Variants in MFAP5 observed in about 807,000 individuals in gnomAD.
MFAP5 encodes microfibril associated protein 5.
A neutral mutation model predicts 30.1 loss-of-function variants in MFAP5; 19 were observed. The ratio of observed to expected loss-of-function variants is 0.63; its 90% CI spans 0.44 to 0.93. MFAP5 has a LOEUF of 0.93. MFAP5 is among the 40% of genes least tolerant of loss of function. MFAP5 has a pLI of 0.00. For missense variants in MFAP5, 210 were observed against 221.3 expected, an observed-to-expected ratio of 0.95 and a Z score of 0.32; for synonymous variants, 92 against 72.9, an observed-to-expected ratio of 1.26 and a Z score of -1.33.
At chr12:8,649,466 G>C (rs1367264853) in intron 9 of MFAP5, 35 bp downstream of exon 9, 2 of 1,585,558 alleles carry the variant, frequency 1.3e-6, no homozygotes, top group East Asian at 4.5e-5. Flanking sequence ...TCTCATAACT[G>C]CTTCTCTCCA....
intron 6 of MFAP5, among the ~76,000 whole-genome samples, chr12:8,653,017 C>G (rs1248069521): frequency 6.6e-6 from 1 of 151,864 alleles, no homozygotes; most frequent in Non-Finnish European, 1.5e-5. Context: ...TGTTGAAACC[C>G]CGTCTCCACT....
intron 3 of MFAP5, among the ~76,000 whole-genome samples, chr12:8,659,196 T>C (rs754146627): frequency 6.6e-6 from 1 of 151,730 alleles, no homozygotes; most frequent in African/African-American, 2.4e-5. Flanking sequence ...TAATCCAAGC[T>C]ACTTAGGAGG....
chr12:8,656,625 T>TACACACACACACACACACACAC (rs1223209541), intron 3 of MFAP5, among the ~76,000 whole-genome samples: 34 of 121,226 alleles, frequency 2.8e-4, no homozygotes, highest in African/African-American at 1.2e-3. Flanking sequence ...TATACACACA[T>TACACACACACACACACACACAC]ACACACACAC....
At position 8,656,668 on chromosome 12, in the gene MFAP5, AT is replaced by A. The variant is rs1555139703; in HGVS notation, c.95-839del. ...CACACACATATATATATATATATAT[AT>A]TTTTTTTTTTTGAGACAGAGTCTGG... On this transcript the variant is annotated intron_variant, in intron 3 of 9. Transcript: ENST00000359478. 6.1e-3 allele frequency among the ~76,000 whole-genome samples: 726 copies of A among 118,766 alleles called. 9 individuals are homozygous for A. Among genetic ancestry groups the A allele is most frequent in the Non-Finnish European group, 8.8e-3 (522 of 59,312 alleles). 77.9% of individuals were successfully genotyped at this position (118,766 alleles called of 152,430 possible).
intron 2 of MFAP5, among the ~76,000 whole-genome samples, chr12:8,661,114 T>C (rs773011135): frequency 3.3e-5 from 5 of 152,286 alleles, no homozygotes; most frequent in African/African-American, 1.2e-4. Context: ...CCTTCACTGC[T>C]GTGCATTTGT....
At chr12:8,656,052 C>T (rs940132160) in intron 3 of MFAP5, among the ~76,000 whole-genome samples, 72 of 144,576 alleles carry the variant, frequency 5.0e-4, no homozygotes, top group African/African-American at 1.8e-3. Context: ...TTTTGACATT[C>T]ATAATTCTTT....
chr12:8,648,354 G>T, intron 9 of MFAP5, 151 bp from the exon 10 acceptor site: 2 of 896,392 alleles, frequency 2.2e-6, no homozygotes, highest in Non-Finnish European at 1.7e-6. Flanking sequence ...ACTTACTTTA[G>T]TTATTTGCCA....
chr12:8,654,515 G>A (rs1452550903), intron 5 of MFAP5, 34 bp from the exon 6 acceptor site: 3 of 1,578,462 alleles, frequency 1.9e-6, no homozygotes, highest in Non-Finnish European at 2.6e-6. Flanking sequence ...TATGAGGAGG[G>A]CTTCAAATTG....
chr12:8,658,992 CTTTT>C (rs71045203), intron 3 of MFAP5, among the ~76,000 whole-genome samples: 1 of 123,746 alleles, frequency 8.1e-6, no homozygotes, highest in Non-Finnish European at 1.7e-5. Flanking sequence ...CCACACCTGG[CTTTT>C]TTTTTTTTTT....
In MFAP5 at chr12:8,654,126, C is replaced by CAAA. The variant is rs61055144; in HGVS notation, c.217+308_217+310dup. ...GGACGACAAGAGCAATAATCCGTCTCAAAAAAAAAAAAAAAAAAAATTCAG... is the reference window on the plus strand; with the variant it reads ...GGACGACAAGAGCAATAATCCGTCTCAAAAAAAAAAAAAAAAAAAAAAATTCAG... On this transcript the variant is annotated intron_variant, in intron 6 of 9. Transcript: ENST00000359478. The CAAA allele has an allele frequency of 0.033, 3,699 of 113,276 alleles. 158 individuals carry two copies. Among genetic ancestry groups the CAAA allele is most frequent in the African/African-American group, 0.13 (3,030 of 22,764 alleles). 7.0% of individuals were successfully genotyped at this position (113,276 alleles called of 1,614,324 possible).
chr12:8,655,795 CTGT>C lies in MFAP5; in HGVS notation c.127_129del (p.Thr43del). On this transcript the variant is annotated inframe_deletion, in exon 4 of 10. Coordinates refer to ENST00000359478, the MANE Select transcript of MFAP5 (RefSeq NM_003480.4). ...CAAAAGTGTAGCTTACTAGGATCTT[CTGT>C]GAATGTTTCTGGAGTCGCTTGAGTC... 6.2e-7 allele frequency: 1 copy of C among 1,611,338 alleles called. No homozygotes were observed.
intron 2 of MFAP5, 29 bp from the exon 3 acceptor site, chr12:8,660,927 G>A (rs1433007132): frequency 1.9e-6 from 3 of 1,591,220 alleles, no homozygotes; most frequent in Non-Finnish European, 1.7e-6. Flanking sequence ...AAAGAGATGT[G>A]AGTGACTGCA....
chr12:8,654,086 A>T (rs990243873), intron 6 of MFAP5, among the ~76,000 whole-genome samples: 34 of 149,234 alleles, frequency 2.3e-4, no homozygotes, highest in African/African-American at 8.2e-4. Context: ...AGATCGCGCC[A>T]TTGCACTGCA....
intron 3 of MFAP5, among the ~76,000 whole-genome samples, chr12:8,657,868 G>T (rs760525294): frequency 3.2e-4 from 48 of 152,054 alleles, no homozygotes; most frequent in Admixed American, 2.4e-3. Context: ...CACCATGCCC[G>T]GCCTGACTTC....
rs769567717 is a variant in MFAP5 at position 8,662,080 on chromosome 12, G to A, written c.25C>T (p.Leu9=). Residue 9 remains leucine (L), a synonymous_variant, in exon 2 of 10, where the codon CTG becomes TTG. Coordinates refer to ENST00000359478, the MANE Select transcript of MFAP5 (RefSeq NM_003480.4). MSLLGPKV[L]LFLAAFIITS... is the part of the protein sequence containing the mutation. ...ATGATGAATGCAGCAAGAAACAGCAGCACCTTGGGTCCCAAGAGCGACATA... is the reference window on the plus strand; with the variant it reads ...ATGATGAATGCAGCAAGAAACAGCAACACCTTGGGTCCCAAGAGCGACATA... 2 of 1,613,800 alleles carry A rather than the reference G, an allele frequency of 1.2e-6. No individual in the cohort carries two copies. Among genetic ancestry groups the A allele is most frequent in the South Asian group, 2.2e-5 (2 of 91,004 alleles).
At chr12:8,656,625 T>TACACACACACACAC (rs1223209541) in intron 3 of MFAP5, among the ~76,000 whole-genome samples, 51 of 121,206 alleles carry the variant, frequency 4.2e-4, no homozygotes, top group African/African-American at 1.8e-3. Context: ...TATACACACA[T>TACACACACACACAC]ACACACACAC....
rs550971099 is a variant in MFAP5 at position 8,650,667 on chromosome 12, G to A, written c.248-78C>T. The A allele has an allele frequency of 5.9e-4, 725 of 1,235,122 alleles. 2 individuals are homozygous for A. Among genetic ancestry groups the A allele is most frequent in the Middle Eastern group, 3.5e-3 (19 of 5,366 alleles). 76.5% of individuals were successfully genotyped at this position (1,235,122 alleles called of 1,614,324 possible). On this transcript the variant is annotated intron_variant, in intron 7 of 9. Coordinates refer to ENST00000359478, the MANE Select transcript of MFAP5 (RefSeq NM_003480.4). ...ATGAAGGATTGAAGGAATTGGGAAGGATAGATAGAGTAGGAAAAAAATACA... is the reference window on the plus strand; with the variant it reads ...ATGAAGGATTGAAGGAATTGGGAAGAATAGATAGAGTAGGAAAAAAATACA...
At position 8,654,475 on chromosome 12, in the gene MFAP5, G is replaced by A; in HGVS notation, c.179C>T (p.Ala60Val). 2 of 1,603,924 alleles carry A rather than the reference G, an allele frequency of 1.2e-6. No homozygotes were observed. Among genetic ancestry groups the A allele is most frequent in the Admixed American group, 3.4e-5 (2 of 58,428 alleles). The change falls in exon 6 of 10, where the codon GCT becomes GTT. Residue 60 changes from alanine to valine, a missense_variant. Ala to Val is a moderately conservative substitution (Grantham distance 64). Transcript: ENST00000359478. Reference sequence around the variant, plus strand: ...GGAAGGTGCAATATCAGCCAAAACAGCCAAAACTGAAAAGGCACAAAACAG... The same window carrying A: ...GGAAGGTGCAATATCAGCCAAAACAACCAAAACTGAAAAGGCACAAAACAG... ...NDPATDETVL[A>V]VLADIAPSTD... is the part of the protein sequence containing the mutation.
chr12:8,654,472 A>G lies in MFAP5; in HGVS notation c.182T>C (p.Val61Ala). The change falls in exon 6 of 10, where the codon GTT (valine) becomes GCT (alanine). Residue 61 changes from valine to alanine, a missense_variant. By Grantham distance (64) the Val-to-Ala change is moderately conservative. Coordinates refer to ENST00000359478, the MANE Select transcript of MFAP5 (RefSeq NM_003480.4). ...DPATDETVLA[V>A]LADIAPSTDD... ...TGTGGAAGGTGCAATATCAGCCAAA[A>G]CAGCCAAAACTGAAAAGGCACAAAA... 6.2e-7 allele frequency: 1 copy of G among 1,604,234 alleles called. No individual in the cohort carries two copies. Among genetic ancestry groups the G allele is most frequent in the Non-Finnish European group, 8.5e-7 (1 of 1,175,454 alleles).
Sources: allele counts gnomAD v4.1 joint callset (sites outside exome capture counted in the v4.1 genomes callset), GRCh38; gene constraint gnomAD v4.1.1; transcripts MANE v1.5; gene names NCBI Gene and HGNC (gene_info 2026-07-23, HGNC 2026-07-21).